The following CHRM5 variants were observed in gnomAD, a reference collection of about 807,000 sequenced individuals.
The protein encoded by CHRM5 is muscarinic acetylcholine receptor M5.
CHRM5 carries 18 observed loss-of-function variants against 39.0 expected under a neutral mutation model. The ratio of observed to expected loss-of-function variants is 0.46; its 90% CI spans 0.32 to 0.68. The LOEUF is 0.68. Among genes scored for constraint, CHRM5 ranks in the 30% least tolerant of loss-of-function variants. The pLI, the probability that CHRM5 is intolerant of heterozygous loss-of-function variation, is 0.04. For synonymous variants in CHRM5, 241 were observed against 246.3 expected, an observed-to-expected ratio of 0.98 and a Z score of 0.20; for missense variants, 515 against 651.1, an observed-to-expected ratio of 0.79 and a Z score of 2.28.
intron 2 of CHRM5, among the ~76,000 whole-genome samples, chr15:34,049,318 G>A (rs1335675498): frequency 1.3e-5 from 2 of 152,148 alleles, no homozygotes; most frequent in African/African-American, 4.8e-5. Context: ...AGAAAACAAT[G>A]CAGGAGCTGA....
chr15:34,039,756 T>G (rs1899387700), intron 1 of CHRM5, among the ~76,000 whole-genome samples: 1 of 152,174 alleles, frequency 6.6e-6, no homozygotes, highest in Non-Finnish European at 1.5e-5. Context: ...CACATGAGTA[T>G]TTCATTCTCA....
At chr15:34,035,379 G>A (rs560433913) in intron 1 of CHRM5, among the ~76,000 whole-genome samples, 14 of 152,202 alleles carry the variant, frequency 9.2e-5, no homozygotes, top group Admixed American at 5.9e-4. Context: ...TAACATATCA[G>A]TTAAAAAAAT....
chr15:34,009,605 T>A (rs996273496), intron 1 of CHRM5, among the ~76,000 whole-genome samples: 19 of 152,254 alleles, frequency 1.2e-4, no homozygotes, highest in African/African-American at 4.6e-4. Context: ...CATGACTACA[T>A]AAATATCAGA....
At chr15:34,050,308 C>G (rs762014106) in intron 2 of CHRM5, among the ~76,000 whole-genome samples, 47 of 152,186 alleles carry the variant, frequency 3.1e-4, no homozygotes, top group Non-Finnish European at 5.6e-4. Flanking sequence ...GAATTTGTCA[C>G]CATTGGGCCT....
chr15:34,004,716 T>C (rs1175650008), intron 1 of CHRM5, among the ~76,000 whole-genome samples: 1 of 152,146 alleles, frequency 6.6e-6, no homozygotes, highest in African/African-American at 2.4e-5. Flanking sequence ...AGACATGAAA[T>C]ATACTATACT....
At chr15:34,028,314 C>T (rs2140747957) in intron 1 of CHRM5, among the ~76,000 whole-genome samples, 1 of 152,268 alleles carries the variant, frequency 6.6e-6, no homozygotes, top group Non-Finnish European at 1.5e-5. Context: ...CCTGTAGTCC[C>T]AGCACTTTGG....
intron 1 of CHRM5, among the ~76,000 whole-genome samples, chr15:33,993,218 G>C (rs1295372097): frequency 1.3e-5 from 2 of 152,196 alleles, no homozygotes; most frequent in Non-Finnish European, 2.9e-5. Flanking sequence ...GAAGGTAAGA[G>C]TGGGGTGCCA....
chr15:34,002,948 T>C, intron 1 of CHRM5: 1 of 1,251,084 alleles, frequency 8.0e-7, no homozygotes, highest in Non-Finnish European at 1.1e-6. Flanking sequence ...TTGCTAGTTA[T>C]AAAAGTAGAA....
At chr15:33,993,619 T>A (rs993446955) in intron 1 of CHRM5, among the ~76,000 whole-genome samples, 1 of 152,112 alleles carries the variant, frequency 6.6e-6, no homozygotes, top group Admixed American at 6.5e-5. Flanking sequence ...AAATAAAAAA[T>A]TGATAATACA....
intron 1 of CHRM5, among the ~76,000 whole-genome samples, chr15:33,981,224 G>A (rs542954462): frequency 2.4e-4 from 36 of 152,200 alleles, no homozygotes; most frequent in African/African-American, 6.0e-4. Flanking sequence ...AATATGAAGC[G>A]GATGAATTTC....
chr15:34,004,121 C>T (rs1271696400), intron 1 of CHRM5, among the ~76,000 whole-genome samples: 2 of 152,202 alleles, frequency 1.3e-5, no homozygotes, highest in African/African-American at 4.8e-5. Flanking sequence ...TGGACACACA[C>T]ACATACACAA....
rs1368946828 is a variant in CHRM5, at chr15:34,046,805, T to A, written c.-142T>A. The A allele has an allele frequency of 1.3e-5, 2 of 152,214 alleles. No homozygotes were observed. Among genetic ancestry groups the A allele is most frequent in the African/African-American group, 4.8e-5 (2 of 41,408 alleles). The allele number at this position is 152,214 out of a possible 1,614,324, so 9.4% of individuals were successfully genotyped here. Reference sequence around the variant, plus strand: ...CCACAGAAAACAAAGAAAAGCAGGGTGGGGTGACGGCCCACCTGGGAGCAG... The same window carrying A: ...CCACAGAAAACAAAGAAAAGCAGGGAGGGGTGACGGCCCACCTGGGAGCAG... On this transcript the variant is annotated 5_prime_UTR_variant, in exon 2 of 3. Transcript: ENST00000383263.
At chr15:34,043,079 C>T (rs1367721676) in intron 1 of CHRM5, among the ~76,000 whole-genome samples, 1 of 151,952 alleles carries the variant, frequency 6.6e-6, no homozygotes, top group Admixed American at 6.6e-5. Flanking sequence ...AACCCCGTCT[C>T]TACTGAAAAT....
chr15:33,974,261 T>C (rs957579581), intron 1 of CHRM5, among the ~76,000 whole-genome samples: 7 of 152,258 alleles, frequency 4.6e-5, no homozygotes, highest in African/African-American at 1.7e-4. Flanking sequence ...TACAGTCATC[T>C]TTCTATTCAA....
At chr15:33,978,332 G>A (rs1262656019) in intron 1 of CHRM5, among the ~76,000 whole-genome samples, 1 of 152,144 alleles carries the variant, frequency 6.6e-6, no homozygotes, top group Non-Finnish European at 1.5e-5. Context: ...GAGTGGGGGA[G>A]TACATTTAAT....
chr15:34,004,797 G>T (rs574902697), intron 1 of CHRM5, among the ~76,000 whole-genome samples: 7 of 152,056 alleles, frequency 4.6e-5, no homozygotes, highest in African/African-American at 1.7e-4. Context: ...ATCTACTTTT[G>T]CATGTATTTA....
chr15:34,019,961 G>T (rs922347643), intron 1 of CHRM5, among the ~76,000 whole-genome samples: 2 of 152,154 alleles, frequency 1.3e-5, no homozygotes, highest in Non-Finnish European at 2.9e-5. Context: ...ACATTTTAAT[G>T]CATACAACAA....
At chr15:33,987,057 C>T (rs573442516) in intron 1 of CHRM5, among the ~76,000 whole-genome samples, 2 of 152,310 alleles carry the variant, frequency 1.3e-5, no homozygotes, top group South Asian at 2.1e-4. Flanking sequence ...TTGACATCCT[C>T]ACCACTCAAT....
Position 33,983,753 on chromosome 15 carries a change from A to G in CHRM5, c.-408+14603A>G, listed in dbSNP as rs144243033. Among the ~76,000 whole-genome samples, 198 of 152,248 alleles carry G rather than the reference A, an allele frequency of 1.3e-3. 1 individual carries two copies. The highest frequency in any genetic ancestry group is 4.5e-3 in the African/African-American group (185 of 41,570). On this transcript the variant is annotated intron_variant, in intron 1 of 2. Transcript: ENST00000383263. Reference sequence around the variant, plus strand: ...ATGGAAAGGGAAAAACAGGGAGTTTACAGGGAGAAACCTGACGGAGGTTTC... The same window carrying G: ...ATGGAAAGGGAAAAACAGGGAGTTTGCAGGGAGAAACCTGACGGAGGTTTC...
Sources: gnomAD v4.1 joint callset for allele counts (sites outside exome capture counted in the v4.1 genomes callset) on GRCh38, gnomAD v4.1.1 for gene constraint, MANE v1.5 for transcripts, NCBI Gene and HGNC (gene_info 2026-07-23, HGNC 2026-07-21) for gene names.